Variants in HOXB3 observed in about 807,000 individuals in gnomAD.
HOXB3 encodes homeobox protein Hox-B3.
Under a neutral mutation model 29.2 loss-of-function variants are expected in HOXB3, and 17 were observed. The ratio of observed to expected loss-of-function variants is 0.58; its 90% CI spans 0.40 to 0.87. The LOEUF is 0.87. HOXB3 is among the 40% of genes least tolerant of loss of function. The probability of loss-of-function intolerance (pLI) is 0.00; values close to 1 mark genes in which losing one functional copy is unlikely to be tolerated. For synonymous variants in HOXB3, 317 were observed against 285.9 expected, an observed-to-expected ratio of 1.11 and a Z score of -1.10; for missense variants, 637 against 616.3, an observed-to-expected ratio of 1.03 and a Z score of -0.35.
intron 1 of HOXB3, among the ~76,000 whole-genome samples, chr17:48,584,100 C>G (rs1167234968): frequency 6.6e-6 from 1 of 152,216 alleles, no homozygotes; most frequent in Admixed American, 6.5e-5. Flanking sequence ...CTGAGTCTCT[C>G]TAGGCATTTG....
intron 2 of HOXB3, among the ~76,000 whole-genome samples, chr17:48,559,393 T>C (rs553351489): frequency 1.3e-5 from 2 of 152,254 alleles, no homozygotes; most frequent in Admixed American, 6.5e-5. Flanking sequence ...CACACAAAAT[T>C]TGCCTGGCCC....
At chr17:48,580,179 G>T (rs922852647) in intron 1 of HOXB3, 2 of 271,252 alleles carry the variant, frequency 7.4e-6, no homozygotes, top group African/African-American at 4.8e-5. Flanking sequence ...CCGCCGCCGC[G>T]CAACTCTCGG....
Position 48,578,571 on chromosome 17 carries a change from G to C in HOXB3, c.-424-4557C>G, listed in dbSNP as rs2069849598. On this transcript the variant is annotated intron_variant, in intron 1 of 4. Transcript: ENST00000498678. ...TCCCCACCCACCCACCCAACACCAGGATTTACATAGGGCTCCTGCGGGGCG... is the reference window on the plus strand; with the variant it reads ...TCCCCACCCACCCACCCAACACCAGCATTTACATAGGGCTCCTGCGGGGCG... 40 of 382,050 alleles carry C rather than the reference G, an allele frequency of 1.0e-4. 1 individual carries two copies. The highest frequency in any genetic ancestry group is 1.0e-3 in the South Asian group (40 of 39,068). 23.7% of individuals were successfully genotyped at this position (382,050 alleles called of 1,614,324 possible).
At position 48,551,153 on chromosome 17, in the gene HOXB3, G is replaced by T; in HGVS notation, c.477C>A (p.Gly159=). 3 of 1,280,556 alleles carry T rather than the reference G, an allele frequency of 2.3e-6. No individual in the cohort carries two copies. The South Asian group carries it at 8.0e-5, about 34-fold the overall frequency. 79.3% of individuals were successfully genotyped at this position (1,280,556 alleles called of 1,614,324 possible). A position where few individuals can be genotyped will look rare whatever the true frequency, so the allele number is the denominator to read the frequency against. ...TGCCACCACTGCCTCCGCCGCCGCC[G>T]CCACCGCCGCCGCCACCACAGCCCT... ...TAEGCGGGGG[G]GGGGGSGGSG... Residue 159 remains glycine, a synonymous_variant, in exon 5 of 5, where the codon GGC becomes GGA. Transcript: ENST00000498678.
intron 1 of HOXB3, chr17:48,578,874 T>G: frequency 6.5e-6 from 1 of 152,770 alleles, no homozygotes. Context: ...GGGGGCTCCG[T>G]CTCGAAAGGG....
chr17:48,580,445 G>C (rs1056559447), intron 1 of HOXB3: 3 of 152,240 alleles, frequency 2.0e-5, no homozygotes, highest in Admixed American at 2.0e-4. Context: ...GAAGGGAGGA[G>C]GAAGAGGCGG....
Position 48,554,585 on chromosome 17 carries a change from C to A in HOXB3, c.-159+946G>T, listed in dbSNP as rs764469240. The A allele has an allele frequency of 4.3e-6, 3 of 699,080 alleles. No individual in the cohort carries two copies. In the African/African-American group the frequency reaches 5.2e-5, roughly 12 times the overall value. The allele number at this position is 699,080 out of a possible 1,614,324, so 43.3% of individuals were successfully genotyped here. A position where few individuals can be genotyped will look rare whatever the true frequency, so the allele number is the denominator to read the frequency against. ...GGCTGCTGCTGCCAGGCTGCCTCAG[C>A]CGGTCGCTGCTGCCGCGGCGACTGG... is the stretch of plus-strand genomic sequence containing the variant. On this transcript the variant is annotated intron_variant, in intron 3 of 4. Coordinates refer to ENST00000498678, the MANE Select transcript of HOXB3 (RefSeq NM_001384749.1). This position sits in a 1 kb window ranked among gnomAD's most constrained non-coding sequence, Gnocchi z 4.1.
At position 48,589,762 on chromosome 17, in the gene HOXB3, T is replaced by C. The variant is rs532613673; in HGVS notation, c.-425+363A>G. Among the ~76,000 whole-genome samples, 3 of 152,266 alleles carry C rather than the reference T, an allele frequency of 2.0e-5. No homozygotes were observed. The South Asian group carries it at 6.2e-4, about 32-fold the overall frequency. On this transcript the variant is annotated intron_variant, in intron 1 of 4. Transcript: ENST00000498678. Reference sequence around the variant, plus strand: ...TCTTTCCGGAGGATGGGGGGATAGTTGTCTGAAGATATCCAGCAGTGAAGT... The same window carrying C: ...TCTTTCCGGAGGATGGGGGGATAGTCGTCTGAAGATATCCAGCAGTGAAGT...
intron 1 of HOXB3, chr17:48,575,677 A>C (rs1407441422): frequency 7.0e-5 from 8 of 114,448 alleles, no homozygotes; most frequent in African/African-American, 3.5e-4. Flanking sequence ...ACAAAAAAAT[A>C]GTAATAATAA....
chr17:48,585,030 C>A (rs550347988), intron 1 of HOXB3, among the ~76,000 whole-genome samples: 1 of 152,038 alleles, frequency 6.6e-6, no homozygotes, highest in South Asian at 2.1e-4. Flanking sequence ...CTGGCCTCAC[C>A]ACCCAGGGTC....
At position 48,550,715 on chromosome 17, in the gene HOXB3, G is replaced by A; in HGVS notation, c.915C>T (p.Pro305=). 6.4e-7 allele frequency: 1 copy of A among 1,553,058 alleles called. No homozygotes were observed. Among genetic ancestry groups the A allele is most frequent in the Non-Finnish European group, 8.7e-7 (1 of 1,148,144 alleles). The part of the protein sequence containing the change: ...GKAHQNAYAL[P]SNYQPPLKGC... ...CTTTGAGAGGGGGCTGGTAGTTGGA[G>A]GGCAGCGCGTAGGCATTCTGGTGGG... Residue 305 remains proline, a synonymous_variant, in exon 5 of 5, where the codon CCC becomes CCT. Transcript: ENST00000498678.
intron 1 of HOXB3, chr17:48,578,049 G>C: frequency 7.4e-6 from 9 of 1,223,564 alleles, no homozygotes; most frequent in Non-Finnish European, 8.2e-6. Context: ...GGAGCCCGAG[G>C]GGACAGACCG....
rs1425197876 is a variant in HOXB3, at chr17:48,551,050, C to A, written c.580G>T (p.Ala194Ser). The change falls in exon 5 of 5, where the codon GCG becomes TCG. Residue 194 changes from alanine to serine, a missense_variant. By Grantham distance (99) the Ala-to-Ser change is moderately conservative (BLOSUM62 1). Coordinates refer to ENST00000498678, the MANE Select transcript of HOXB3 (RefSeq NM_001384749.1). ...GSAASKRART[A>S]YTSAQLVELE... The stretch of plus-strand genomic sequence containing the variant: ...TCCACCAGCTGCGCGCTCGTGTACG[C>A]CGTCCGCGCCCGCTTGGACGCCGCC... 1 of 1,591,556 alleles carries A rather than the reference C, an allele frequency of 6.3e-7. No individual in the cohort carries two copies. Among genetic ancestry groups the A allele is most frequent in the Non-Finnish European group, 8.6e-7 (1 of 1,166,546 alleles).
chr17:48,550,056 C>T lies in HOXB3; in HGVS notation c.*278G>A. On this transcript the variant is annotated 3_prime_UTR_variant, in exon 5 of 5. Coordinates refer to ENST00000498678, the MANE Select transcript of HOXB3 (RefSeq NM_001384749.1). Reference sequence around the variant, plus strand: ...CTACCCCACTCCCGGGCGTGGAATTCCAACTTGGTAGTGCTGGAGCCCTGG... The same window carrying T: ...CTACCCCACTCCCGGGCGTGGAATTTCAACTTGGTAGTGCTGGAGCCCTGG... 2 of 409,054 alleles carry T rather than the reference C, an allele frequency of 4.9e-6. No individual in the cohort carries two copies. Among genetic ancestry groups the T allele is most frequent in the Non-Finnish European group, 8.8e-6 (2 of 227,454 alleles). 25.3% of individuals were successfully genotyped at this position (409,054 alleles called of 1,614,324 possible).
rs1039698690 is a variant in HOXB3 at position 48,573,912 on chromosome 17, G to A, written c.-322C>T. 2.0e-5 allele frequency: 14 copies of A among 698,012 alleles called. No homozygotes were observed. Among genetic ancestry groups the A allele is most frequent in the African/African-American group, 1.8e-4 (10 of 56,820 alleles). 43.2% of individuals were successfully genotyped at this position (698,012 alleles called of 1,614,324 possible). ...ACGAAGGGCTTCTTCCAAACTGAGAGAAAAAAGTTTTCAACTTTATGGTTC... is the reference window on the plus strand; with the variant it reads ...ACGAAGGGCTTCTTCCAAACTGAGAAAAAAAAGTTTTCAACTTTATGGTTC... On this transcript the variant is annotated 5_prime_UTR_variant, in exon 2 of 5. Transcript: ENST00000498678.
rs1252757829 is a variant in HOXB3 at position 48,554,793 on chromosome 17, G to A, written c.-159+738C>T. 2 of 702,386 alleles carry A rather than the reference G, an allele frequency of 2.8e-6. No individual in the cohort carries two copies. The highest frequency in any genetic ancestry group is 5.2e-6 in the Non-Finnish European group (2 of 384,834). The allele number at this position is 702,386 out of a possible 1,614,324, so 43.5% of individuals were successfully genotyped here. On this transcript the variant is annotated intron_variant, in intron 3 of 4. Transcript: ENST00000498678. The surrounding 1 kb of genome is among the most constrained non-coding windows in gnomAD (Gnocchi z 4.1). ...AATTAAAAGGCGCCTTAGAAACTCC[G>A]CTTCGGGACTTTGCTCAGCAGGGCT... is the stretch of plus-strand genomic sequence containing the variant.
chr17:48,577,945 G>A (rs1054496256), intron 1 of HOXB3: 12 of 1,331,238 alleles, frequency 9.0e-6, no homozygotes, highest in East Asian at 2.8e-5. Context: ...GGTGCAGGGG[G>A]TTCTGGGCGC....
intron 1 of HOXB3, chr17:48,580,194 G>A (rs2069899273): frequency 7.2e-6 from 2 of 275,994 alleles, no homozygotes; most frequent in South Asian, 3.1e-5. Context: ...TCTCGGTGGC[G>A]CATGAATTAT....
At chr17:48,578,164 C>A (rs2303482) in intron 1 of HOXB3, 1 of 1,606,012 alleles carries the variant, frequency 6.2e-7, no homozygotes, top group East Asian at 2.2e-5. Flanking sequence ...GCCCGAAGCC[C>A]GCCTCCGGCT....
Sources: gnomAD v4.1 joint callset for allele counts (sites outside exome capture counted in the v4.1 genomes callset) on GRCh38, gnomAD v4.1.1 for gene constraint, Gnocchi (gnomAD v3.1) non-coding constraint, MANE v1.5 for transcripts, NCBI Gene and HGNC (gene_info 2026-07-23, HGNC 2026-07-21) for gene names.